Variants in MYT1L observed in about 807,000 individuals in gnomAD.
MYT1L encodes the protein myelin transcription factor 1-like protein.
In MYT1L, 12 loss-of-function variants were observed where a neutral mutation model predicts 126.7. That is an observed-to-expected ratio of 0.09 (90% CI 0.06 to 0.15). The LOEUF (loss-of-function observed/expected upper bound fraction) is 0.15. Ranked by LOEUF, MYT1L falls within the 10% of genes least tolerant of loss-of-function variation. MYT1L has a pLI of 1.00. For missense variants in MYT1L, 979 were observed against 1,585.2 expected, an observed-to-expected ratio of 0.62 and a Z score of 6.49; for synonymous variants, 541 against 604.2, an observed-to-expected ratio of 0.90 and a Z score of 1.53.
At chr2:2,039,995 C>T (rs1291623343) in intron 4 of MYT1L, among the ~76,000 whole-genome samples, 1 of 152,118 alleles carries the variant, frequency 6.6e-6, no homozygotes, top group Admixed American at 6.5e-5. Context: ...GGCATGCCTA[C>T]AGGTGTATGC....
intron 3 of MYT1L, among the ~76,000 whole-genome samples, chr2:2,069,957 G>C (rs534157423): frequency 6.9e-6 from 1 of 145,030 alleles, no homozygotes; most frequent in Non-Finnish European, 1.5e-5. Flanking sequence ...ACTTTCAAAA[G>C]AAGACATTTA....
intron 2 of MYT1L, among the ~76,000 whole-genome samples, chr2:2,261,661 C>T (rs1326667222): frequency 2.0e-5 from 3 of 152,144 alleles, no homozygotes; most frequent in African/African-American, 7.2e-5. Context: ...GAGAGTGGTG[C>T]AGATACAAAA....
intron 3 of MYT1L, among the ~76,000 whole-genome samples, chr2:2,066,588 G>A (rs1031566002): frequency 6.6e-6 from 1 of 152,220 alleles, no homozygotes; most frequent in Non-Finnish European, 1.5e-5. Flanking sequence ...AATTCCAGGA[G>A]AGGCTATGGG....
intron 21 of MYT1L, among the ~76,000 whole-genome samples, chr2:1,836,031 T>C (rs2040833711): frequency 6.6e-6 from 1 of 152,044 alleles, no homozygotes; most frequent in Admixed American, 6.5e-5. Context: ...TCCAGGGACC[T>C]GGGATCCTGA....
At chr2:1,935,163 C>G (rs569154798) in intron 9 of MYT1L, among the ~76,000 whole-genome samples, 1 of 152,288 alleles carries the variant, frequency 6.6e-6, no homozygotes, top group East Asian at 1.9e-4. Flanking sequence ...AAGCCTCCAC[C>G]TCAGTTTATG....
chr2:2,196,022 G>A (rs962003018), intron 2 of MYT1L, among the ~76,000 whole-genome samples: 7 of 152,054 alleles, frequency 4.6e-5, no homozygotes, highest in Admixed American at 4.6e-4. Flanking sequence ...ATGATGAAAG[G>A]CATTAGCCTA....
intron 2 of MYT1L, among the ~76,000 whole-genome samples, chr2:2,240,668 G>A (rs1343102257): frequency 1.3e-5 from 2 of 152,188 alleles, no homozygotes; most frequent in African/African-American, 4.8e-5. Flanking sequence ...ATTTGAACGT[G>A]ACAATTAGTG....
Position 2,301,463 on chromosome 2 carries a change from G to A in MYT1L, c.-520-16960C>T, listed in dbSNP as rs139341526. 1.2e-3 allele frequency among the ~76,000 whole-genome samples: 188 copies of A among 151,828 alleles called. 4 individuals carry two copies. In the East Asian group the frequency reaches 0.034, roughly 28 times the overall value. ...TGTCAGGCACTGCCCTCAGCATTTC[G>A]TTATAAGAGAAAATAAAACAAAAAT... On this transcript the variant is annotated intron_variant, in intron 1 of 24. Transcript: ENST00000647738.
chr2:1,812,875 CAAAAAAAAA>C (rs33917296), intron 21 of MYT1L, among the ~76,000 whole-genome samples: 1 of 59,790 alleles, frequency 1.7e-5, no homozygotes, highest in Admixed American at 1.9e-4. Context: ...GACTCCGTCT[CAAAAAAAAA>C]AAAAAAAAAA....
At chr2:2,038,722 G>A (rs373943072) in intron 4 of MYT1L, among the ~76,000 whole-genome samples, 9 of 152,026 alleles carry the variant, frequency 5.9e-5, no homozygotes, top group African/African-American at 2.2e-4. Context: ...GAACTCCCTG[G>A]CATGTGGAAA....
At chr2:1,959,765 G>A (rs2058807960) in intron 8 of MYT1L, among the ~76,000 whole-genome samples, 1 of 152,164 alleles carries the variant, frequency 6.6e-6, no homozygotes, top group Admixed American at 6.5e-5. Flanking sequence ...CTTTGAATCA[G>A]CTCTCTTCCC....
chr2:1,888,474 C>CT (rs996376164), intron 16 of MYT1L, among the ~76,000 whole-genome samples: 2 of 152,064 alleles, frequency 1.3e-5, no homozygotes, highest in East Asian at 3.9e-4. Context: ...GCTAATATTT[C>CT]TTTTTTTTCC....
At chr2:2,019,191 G>A (rs2064768180) in intron 4 of MYT1L, among the ~76,000 whole-genome samples, 1 of 152,148 alleles carries the variant, frequency 6.6e-6, no homozygotes, top group Admixed American at 6.5e-5. Context: ...CCTGGTGGGA[G>A]GTAATTGAAT....
rs908803413 is a variant in MYT1L, at chr2:1,793,036, T to C, written c.3277-572A>G. Among the ~76,000 whole-genome samples, 2 of 152,046 alleles carry C rather than the reference T, an allele frequency of 1.3e-5. No individual in the cohort carries two copies. Among genetic ancestry groups the C allele is most frequent in the African/African-American group, 4.8e-5 (2 of 41,402 alleles). On this transcript the variant is annotated intron_variant, in intron 23 of 24. Transcript: ENST00000647738. This position sits in a 1 kb window ranked among gnomAD's most constrained non-coding sequence, Gnocchi z 4.6. Reference sequence around the variant, plus strand: ...CAGCCGGCCTGATGGGACTGCAGTGTGTAGGGGGCTTGATGCGAATACTTC... The same window carrying C: ...CAGCCGGCCTGATGGGACTGCAGTGCGTAGGGGGCTTGATGCGAATACTTC...
intron 8 of MYT1L, among the ~76,000 whole-genome samples, chr2:1,948,989 ACT>A (rs2057487594): frequency 6.6e-6 from 1 of 152,168 alleles, no homozygotes. Context: ...AAAATAATGC[ACT>A]GTCTCTTTTT....
At chr2:2,056,509 T>A (rs2069585613) in intron 3 of MYT1L, among the ~76,000 whole-genome samples, 1 of 152,192 alleles carries the variant, frequency 6.6e-6, no homozygotes, top group Non-Finnish European at 1.5e-5. Context: ...CGTCCATCCA[T>A]CCATCCATCC....
chr2:2,125,899 G>C (rs766535257), intron 3 of MYT1L, among the ~76,000 whole-genome samples: 27 of 152,188 alleles, frequency 1.8e-4, no homozygotes, highest in South Asian at 1.2e-3. Flanking sequence ...AGTCATTCTA[G>C]CAACAATGCC....
chr2:2,204,770 C>T (rs945259702), intron 2 of MYT1L, among the ~76,000 whole-genome samples: 1 of 151,684 alleles, frequency 6.6e-6, no homozygotes, highest in Admixed American at 6.6e-5. Context: ...GGGTATATAC[C>T]CAAAGGATTA....
At chr2:2,318,505 C>G (rs2096107496) in intron 1 of MYT1L, among the ~76,000 whole-genome samples, 1 of 152,122 alleles carries the variant, frequency 6.6e-6, no homozygotes, top group African/African-American at 2.4e-5. Flanking sequence ...GGATGTGGAT[C>G]TCTTAGGAAA....
Sources: allele counts gnomAD v4.1 joint callset (sites outside exome capture counted in the v4.1 genomes callset), GRCh38; gene constraint gnomAD v4.1.1; non-coding constraint Gnocchi (gnomAD v3.1); transcripts MANE v1.5; gene names NCBI Gene and HGNC (gene_info 2026-07-23, HGNC 2026-07-21).